The following COL21A1 variants were observed in gnomAD, a reference collection of about 807,000 sequenced individuals.
COL21A1 encodes collagen alpha-1(XXI) chain.
COL21A1 carries 149 observed loss-of-function variants against 137.9 expected under a neutral mutation model. The ratio of observed to expected loss-of-function variants is 1.08; its 90% CI spans 0.95 to 1.24. The LOEUF (loss-of-function observed/expected upper bound fraction) is 1.24, where lower values mean the gene tolerates loss of function less well. COL21A1 is among the 50% of genes most tolerant of loss of function. COL21A1 has a pLI of 0.00. For synonymous variants in COL21A1, 456 were observed against 391.5 expected (o/e 1.16, Z -1.95); for missense variants, 1,167 against 1,158.4 (o/e 1.01, Z -0.11).
intron 1 of COL21A1, among the ~76,000 whole-genome samples, chr6:56,259,840 T>C (rs1291656858): frequency 6.6e-6 from 1 of 152,232 alleles, no homozygotes; most frequent in Non-Finnish European, 1.5e-5. Context: ...AAACCAATTA[T>C]TTCAGACTCA....
At chr6:56,353,539 A>C (rs1765763952) in intron 1 of COL21A1, among the ~76,000 whole-genome samples, 1 of 152,214 alleles carries the variant, frequency 6.6e-6, no homozygotes, top group African/African-American at 2.4e-5. Context: ...AGCTTAGCTT[A>C]GTTCATTCAA....
chr6:56,301,989 T>G (rs538932966), intron 1 of COL21A1, among the ~76,000 whole-genome samples: 1 of 152,176 alleles, frequency 6.6e-6, no homozygotes, highest in Non-Finnish European at 1.5e-5. Flanking sequence ...TTTGGTTTTT[T>G]GTCCTTGTGA....
intron 1 of COL21A1, among the ~76,000 whole-genome samples, chr6:56,288,100 T>C (rs1036375171): frequency 2.6e-5 from 4 of 152,160 alleles, no homozygotes; most frequent in South Asian, 2.1e-4. Context: ...CACTAAATGT[T>C]TGGCAAGTTG....
intron 10 of COL21A1, among the ~76,000 whole-genome samples, chr6:56,152,140 G>T (rs997794315): frequency 6.6e-6 from 1 of 152,170 alleles, no homozygotes; most frequent in African/African-American, 2.4e-5. Context: ...GTACCAGCCA[G>T]ACTGCATTCT....
intron 1 of COL21A1, among the ~76,000 whole-genome samples, chr6:56,288,748 G>C (rs112691089): frequency 1.3e-5 from 2 of 152,150 alleles, no homozygotes; most frequent in Non-Finnish European, 2.9e-5. Flanking sequence ...TGCCATTCAC[G>C]GTTCCTGAAA....
chr6:56,144,933 A>G (rs1774720168), intron 10 of COL21A1, among the ~76,000 whole-genome samples: 1 of 152,184 alleles, frequency 6.6e-6, no homozygotes, highest in South Asian at 2.1e-4. Context: ...ATTATTATCC[A>G]CTTCACTTTT....
At chr6:56,212,829 G>A (rs1028988086) in intron 1 of COL21A1, among the ~76,000 whole-genome samples, 1 of 151,880 alleles carries the variant, frequency 6.6e-6, no homozygotes, top group Non-Finnish European at 1.5e-5. Flanking sequence ...ATAGTTTATT[G>A]GAGCATGAAA....
chr6:56,254,352 C>T (rs1424293258), intron 1 of COL21A1, among the ~76,000 whole-genome samples: 1 of 152,128 alleles, frequency 6.6e-6, no homozygotes, highest in Non-Finnish European at 1.5e-5. Flanking sequence ...ATCCTCAAAG[C>T]AGAGGGAAGA....
At chr6:56,323,944 C>A (rs940101231) in intron 1 of COL21A1, among the ~76,000 whole-genome samples, 3 of 151,978 alleles carry the variant, frequency 2.0e-5, no homozygotes, top group Non-Finnish European at 2.9e-5. Context: ...CTTGGTCAAG[C>A]AAAGATTCTT....
intron 21 of COL21A1, 120 bp downstream of exon 21, chr6:56,070,625 T>C (rs1766659617): frequency 1.2e-5 from 7 of 607,798 alleles, no homozygotes; most frequent in Non-Finnish European, 1.6e-5. Flanking sequence ...AATTTCATGA[T>C]AAAGGTAATC....
intron 1 of COL21A1, among the ~76,000 whole-genome samples, chr6:56,238,499 T>A (rs1782057934): frequency 6.7e-6 from 1 of 148,628 alleles, no homozygotes; most frequent in African/African-American, 2.5e-5. Flanking sequence ...CCACTTGCAG[T>A]TACAAGCGAG....
At chr6:56,149,375 T>C (rs1354382436) in intron 10 of COL21A1, among the ~76,000 whole-genome samples, 1 of 152,212 alleles carries the variant, frequency 6.6e-6, no homozygotes, top group Non-Finnish European at 1.5e-5. Flanking sequence ...ACCAGATTAG[T>C]AGTCAGAAGA....
intron 1 of COL21A1, among the ~76,000 whole-genome samples, chr6:56,235,652 A>T (rs1401048651): frequency 6.6e-6 from 1 of 151,922 alleles, no homozygotes; most frequent in Non-Finnish European, 1.5e-5. Flanking sequence ...GAAGAATAAC[A>T]CCTGATGTCA....
intron 17 of COL21A1, among the ~76,000 whole-genome samples, chr6:56,087,446 G>T (rs1768374127): frequency 6.6e-6 from 1 of 152,144 alleles, no homozygotes; most frequent in Non-Finnish European, 1.5e-5. Context: ...TTGAACTCAT[G>T]GGGTTCTGGG....
At chr6:56,225,218 T>C (rs900979039) in intron 1 of COL21A1, among the ~76,000 whole-genome samples, 3 of 152,074 alleles carry the variant, frequency 2.0e-5, no homozygotes, top group Admixed American at 6.6e-5. Context: ...AGATTTCTAC[T>C]AAAGCAAACA....
At chr6:56,109,471 G>A (rs1356582786) in intron 16 of COL21A1, among the ~76,000 whole-genome samples, 1 of 151,726 alleles carries the variant, frequency 6.6e-6, no homozygotes, top group Non-Finnish European at 1.5e-5. Context: ...TAGTTCCCTA[G>A]GAGAGTGAAG....
In COL21A1 at chr6:56,087,877, T is replaced by A. The variant is rs147515421; in HGVS notation, c.1813-10304A>T. ...CTCCTCAATGAGATTCTTAGTGGCATCTGGAAATGCTTGTGCTGCTGCTTT... is the reference window on the plus strand; with the variant it reads ...CTCCTCAATGAGATTCTTAGTGGCAACTGGAAATGCTTGTGCTGCTGCTTT... On this transcript the variant is annotated intron_variant, in intron 17 of 29. Coordinates refer to ENST00000244728, the MANE Select transcript of COL21A1 (RefSeq NM_030820.4). Among the ~76,000 whole-genome samples the A allele has an allele frequency of 7.0e-4, 107 of 152,274 alleles. 2 individuals are homozygous for A. In the East Asian group the frequency reaches 0.016, roughly 23 times the overall value.
intron 10 of COL21A1, among the ~76,000 whole-genome samples, chr6:56,145,826 T>C (rs568133706): frequency 5.3e-5 from 8 of 152,022 alleles, no homozygotes; most frequent in Non-Finnish European, 1.0e-4. Flanking sequence ...GTCTTTTCCA[T>C]GTTCACAGAA....
chr6:56,149,770 C>G (rs1355910673), intron 10 of COL21A1, among the ~76,000 whole-genome samples: 2 of 152,142 alleles, frequency 1.3e-5, no homozygotes, highest in Admixed American at 6.5e-5. Context: ...TTCTCTTTAC[C>G]TCACCACTAT....
Sources: allele counts gnomAD v4.1 joint callset (sites outside exome capture counted in the v4.1 genomes callset), GRCh38; gene constraint gnomAD v4.1.1; transcripts MANE v1.5; gene names NCBI Gene and HGNC (gene_info 2026-07-23, HGNC 2026-07-21).